IMMP2L: variants seen among roughly 807,000 people sequenced by gnomAD.
IMMP2L encodes the protein inner mitochondrial membrane peptidase subunit 2, also known as mitochondrial inner membrane protease subunit 2.
A neutral mutation model predicts 19.3 loss-of-function variants in IMMP2L; 18 were observed. The observed-to-expected ratio is 0.93, with a 90% confidence interval of 0.64 to 1.38. The LOEUF (loss-of-function observed/expected upper bound fraction) is 1.38, where lower values mean the gene tolerates loss of function less well. Among genes scored for constraint, IMMP2L ranks in the 40% most tolerant of loss-of-function variants. The pLI, the probability that IMMP2L is intolerant of heterozygous loss-of-function variation, is 0.00. For synonymous variants in IMMP2L, 76 were observed against 73.0 expected (o/e 1.04, Z -0.21); for missense variants, 233 against 218.2 (o/e 1.07, Z -0.43).
chr7:110,741,791 GAATAA>G lies in IMMP2L; in HGVS notation c.409-78075_409-78071del, dbSNP rs1165083510. Among the ~76,000 whole-genome samples, 8 of 152,108 alleles carry G rather than the reference GAATAA, an allele frequency of 5.3e-5. 1 individual carries two copies. The highest frequency in any genetic ancestry group is 1.9e-4 in the African/African-American group (8 of 41,500). Reference sequence around the variant, plus strand: ...AATATGAACAAATAATTTTGTTAAAGAATAAAATAAAAATTAAACATAAATAAAAT... The same window carrying G: ...AATATGAACAAATAATTTTGTTAAAGAATAAAAATTAAACATAAATAAAAT... On this transcript the variant is annotated intron_variant, in intron 5 of 5. Coordinates refer to ENST00000405709, the MANE Select transcript of IMMP2L (RefSeq NM_032549.4).
intron 5 of IMMP2L, among the ~76,000 whole-genome samples, chr7:110,861,098 TGAGAGAGAGAGA>T (rs5886583): frequency 2.1e-5 from 3 of 141,638 alleles, no homozygotes; most frequent in Non-Finnish European, 3.1e-5. Context: ...TGTGTGTGTG[TGAGAGAGAGAGA>T]GAGAGAGAGA....
intron 3 of IMMP2L, among the ~76,000 whole-genome samples, chr7:111,308,301 A>C (rs1439211348): frequency 6.6e-6 from 1 of 152,010 alleles, no homozygotes; most frequent in East Asian, 1.9e-4. Flanking sequence ...TAAACAAATA[A>C]AATCTAAAGG....
intron 4 of IMMP2L, among the ~76,000 whole-genome samples, chr7:110,957,879 T>G (rs1818523892): frequency 6.6e-6 from 1 of 151,990 alleles, no homozygotes; most frequent in Non-Finnish European, 1.5e-5. Context: ...TTCTGCTTTG[T>G]TTTTCTTCAT....
At chr7:110,672,915 G>A (rs975268794) in intron 5 of IMMP2L, among the ~76,000 whole-genome samples, 13 of 152,298 alleles carry the variant, frequency 8.5e-5, no homozygotes, top group African/African-American at 2.2e-4. Flanking sequence ...GGTGCACAAT[G>A]CAAGCTGTCA....
At chr7:110,946,655 T>C (rs191430126) in intron 4 of IMMP2L, among the ~76,000 whole-genome samples, 1 of 151,848 alleles carries the variant, frequency 6.6e-6, no homozygotes, top group African/African-American at 2.4e-5. Flanking sequence ...AAACTGAAGA[T>C]ATATTTGATC....
chr7:111,387,672 T>G (rs144870673), intron 3 of IMMP2L, among the ~76,000 whole-genome samples: 2 of 151,970 alleles, frequency 1.3e-5, no homozygotes, highest in South Asian at 4.2e-4. Flanking sequence ...AGAATAATAA[T>G]TTTTTTTACA....
intron 3 of IMMP2L, among the ~76,000 whole-genome samples, chr7:111,128,129 A>G (rs866489843): frequency 2.0e-5 from 3 of 152,196 alleles, no homozygotes; most frequent in Non-Finnish European, 4.4e-5. Context: ...ACACACAAAC[A>G]TAAGTTTAAA....
chr7:110,774,579 T>A (rs1405578688), intron 5 of IMMP2L, among the ~76,000 whole-genome samples: 1 of 152,104 alleles, frequency 6.6e-6, no homozygotes, highest in Non-Finnish European at 1.5e-5. Flanking sequence ...AATGATGGAC[T>A]GCATATATGG....
chr7:111,181,417 A>T (rs1019265239), intron 3 of IMMP2L, among the ~76,000 whole-genome samples: 4 of 151,956 alleles, frequency 2.6e-5, no homozygotes, highest in African/African-American at 9.7e-5. Flanking sequence ...ATGAATAGGG[A>T]TCTTCCCTGT....
rs142219188 is a variant in IMMP2L at position 110,955,241 on chromosome 7, C to G, written c.305+8259G>C. Among the ~76,000 whole-genome samples, 33 of 151,760 alleles carry G rather than the reference C, an allele frequency of 2.2e-4. 1 individual carries two copies. In the East Asian group the frequency reaches 6.4e-3, roughly 30 times the overall value. On this transcript the variant is annotated intron_variant, in intron 4 of 5. Transcript: ENST00000405709. ...CAGCAATAGTATGGAAAATAATCCA[C>G]CTACAACTTTAGAAAAGAAAGAAAT...
chr7:111,403,661 A>G (rs984943481), intron 3 of IMMP2L, among the ~76,000 whole-genome samples: 12 of 152,116 alleles, frequency 7.9e-5, no homozygotes, highest in Non-Finnish European at 1.5e-5. Context: ...CACAGGAAAA[A>G]AGTTAAGCAG....
At chr7:110,891,619 T>C (rs893290512) in intron 4 of IMMP2L, among the ~76,000 whole-genome samples, 2 of 152,238 alleles carry the variant, frequency 1.3e-5, no homozygotes, top group African/African-American at 2.4e-5. Context: ...TGAATATACA[T>C]GCTATATTTA....
intron 3 of IMMP2L, among the ~76,000 whole-genome samples, chr7:111,173,342 T>C (rs1806663443): frequency 6.6e-6 from 1 of 151,632 alleles, no homozygotes; most frequent in South Asian, 2.1e-4. Flanking sequence ...ACTTTCTACC[T>C]GAAAAAAATT....
intron 3 of IMMP2L, among the ~76,000 whole-genome samples, chr7:111,017,990 T>C (rs1825877323): frequency 6.6e-6 from 1 of 152,180 alleles, no homozygotes; most frequent in African/African-American, 2.4e-5. Context: ...TCTTGGAAAA[T>C]GAAAGCAATG....
intron 4 of IMMP2L, among the ~76,000 whole-genome samples, chr7:110,895,985 C>T (rs1811280881): frequency 6.6e-6 from 1 of 151,748 alleles, no homozygotes; most frequent in South Asian, 2.1e-4. Flanking sequence ...CCATGCCCCG[C>T]TAATTAAAAA....
chr7:111,242,051 T>A (rs933301062), intron 3 of IMMP2L, among the ~76,000 whole-genome samples: 13 of 152,072 alleles, frequency 8.5e-5, no homozygotes, highest in African/African-American at 3.1e-4. Flanking sequence ...GAAGAATTAT[T>A]CACTGAGTTT....
At chr7:110,735,805 C>T (rs1053255354) in intron 5 of IMMP2L, among the ~76,000 whole-genome samples, 1 of 128,380 alleles carries the variant, frequency 7.8e-6, no homozygotes, top group African/African-American at 2.9e-5. Flanking sequence ...CAAGATTGTA[C>T]CACTGCACTC....
At position 111,538,816 on chromosome 7, in the gene IMMP2L, T is replaced by TAAAAAAAA. The variant is rs768599585; in HGVS notation, c.-2-17375_-2-17368dup. ...CAGAGCAATGAGACCCTGGCTCATT[T>TAAAAAAAA]AAAAAAAAAAAAAAAAAAAAAAGGC... On this transcript the variant is annotated intron_variant, in intron 1 of 5. Coordinates refer to ENST00000405709, the MANE Select transcript of IMMP2L (RefSeq NM_032549.4). 7.3e-4 allele frequency among the ~76,000 whole-genome samples: 60 copies of TAAAAAAAA among 82,420 alleles called. 1 individual carries two copies. The highest frequency in any genetic ancestry group is 3.0e-3 in the African/African-American group (59 of 19,916). The allele number at this position is 82,420 out of a possible 152,430, so 54.1% of individuals were successfully genotyped here.
chr7:111,122,836 G>A (rs773450505), intron 3 of IMMP2L: 1 of 1,613,914 alleles, frequency 6.2e-7, no homozygotes, highest in Admixed American at 1.7e-5. Context: ...ACTAGTACAA[G>A]CTGTAGATAA....
Sources: allele counts gnomAD v4.1 joint callset (sites outside exome capture counted in the v4.1 genomes callset), GRCh38; gene constraint gnomAD v4.1.1; transcripts MANE v1.5; gene names NCBI Gene and HGNC (gene_info 2026-07-23, HGNC 2026-07-21).